The following ANKRD33 variants were observed in gnomAD, a reference collection of about 807,000 sequenced individuals.
The protein encoded by ANKRD33 is ankyrin repeat domain 33, also known as photoreceptor ankyrin repeat protein.
Under a neutral mutation model 20.6 loss-of-function variants are expected in ANKRD33, and 20 were observed. The ratio of observed to expected loss-of-function variants is 0.97; its 90% CI spans 0.68 to 1.41. ANKRD33 has a LOEUF of 1.41. ANKRD33 is among the 40% of genes most tolerant of loss of function. The pLI, the probability that ANKRD33 is intolerant of heterozygous loss-of-function variation, is 0.00. For synonymous variants in ANKRD33, 246 were observed against 245.0 expected (o/e 1.00, Z -0.04); for missense variants, 545 against 579.6 (o/e 0.94, Z 0.61).
Position 51,888,265 on chromosome 12 carries a change from A to G in ANKRD33, c.79A>G (p.Ile27Val), listed in dbSNP as rs1276783826. The G allele has an allele frequency of 6.3e-7, 1 of 1,591,574 alleles. No homozygotes were observed. Among genetic ancestry groups the G allele is most frequent in the African/African-American group, 1.4e-5 (1 of 73,914 alleles). ...VHLEAFGDPV[I>V]VLRGAWAVPR... is the part of the protein sequence containing the mutation. ...CCTGGAGGCATTCGGAGACCCAGTG[A>G]TTGTGCTCCGCGGAGCCTGGGCTGT... Residue 27 changes from isoleucine (I) to valine (V), a missense_variant, in exon 1 of 5, where the codon ATT becomes GTT. By Grantham distance (29) the Ile-to-Val change is conservative. Coordinates refer to ENST00000301190, the MANE Select transcript of ANKRD33 (RefSeq NM_182608.4).
chr12:51,888,481 G>C (rs895874136), intron 1 of ANKRD33, 87 bp from the exon 2 acceptor site: 1 of 1,564,606 alleles, frequency 6.4e-7, no homozygotes. Context: ...TTTTCCCTGG[G>C]GCAAGGGCTG....
chr12:51,888,397 C>G, intron 1 of ANKRD33, 66 bp downstream of exon 1: 10 of 1,603,094 alleles, frequency 6.2e-6, no homozygotes, highest in Non-Finnish European at 8.5e-6. Flanking sequence ...GTGAACCCTG[C>G]TTGCTTAGGG....
chr12:51,889,640 C>G, intron 4 of ANKRD33, 158 bp downstream of exon 4: 1 of 1,348,198 alleles, frequency 7.4e-7, no homozygotes, highest in Non-Finnish European at 9.8e-7. Flanking sequence ...ATCTAGTTCA[C>G]CTTCCTGGAG....
At chr12:51,888,889 TC>T in intron 2 of ANKRD33, 71 bp downstream of exon 2, 1 of 1,600,362 alleles carries the variant, frequency 6.2e-7, no homozygotes, top group Non-Finnish European at 8.5e-7. Context: ...CTGGCCTGGC[TC>T]CCTGAGAGGG....
In ANKRD33 at chr12:51,888,221, C is replaced by A; in HGVS notation, c.35C>A (p.Ser12Tyr). 6.2e-7 allele frequency: 1 copy of A among 1,614,228 alleles called. No homozygotes were observed. ...CAGCCATCTGTTACCTGCGTTGCTT[C>A]CTGGGGAGGGATAGTCCACCTGGAG... is the stretch of plus-strand genomic sequence containing the variant. ...KVQPSVTCVA[S>Y]WGGIVHLEAF... The change falls in exon 1 of 5, where the codon TCC becomes TAC. Residue 12 changes from serine to tyrosine, a missense_variant. Transcript: ENST00000301190.
At chr12:51,889,299 C>T in intron 3 of ANKRD33, 73 bp from the exon 4 acceptor site, 1 of 1,607,016 alleles carries the variant, frequency 6.2e-7, no homozygotes. Flanking sequence ...CTCTGTCATG[C>T]TGGGTGGAGG....
chr12:51,891,485 C>G lies in ANKRD33; in HGVS notation c.*180C>G. The G allele has an allele frequency of 3.7e-6, 4 of 1,081,512 alleles. No individual in the cohort carries two copies. The highest frequency in any genetic ancestry group is 1.3e-6 in the Non-Finnish European group (1 of 778,186). The allele number at this position is 1,081,512 out of a possible 1,614,324, so 67.0% of individuals were successfully genotyped here. A position where few individuals can be genotyped will look rare whatever the true frequency, so the allele number is the denominator to read the frequency against. On this transcript the variant is annotated 3_prime_UTR_variant, in exon 5 of 5. Transcript: ENST00000301190. ...TTGCAAGAGTGAAAGAGTGGAAACA[C>G]CCGAAGTGTCCATCAGTAAGGGACA...
Position 51,888,711 on chromosome 12 carries a change from G to A in ANKRD33, c.289G>A (p.Gly97Arg). Residue 97 changes from glycine (G) to arginine (R), a missense_variant, in exon 2 of 5, where the codon GGG becomes AGG. Transcript: ENST00000301190. ...GACCCCCACCCCAGGCTGCAGGCTG[G>A]GGGCCCTGTATTGGGCCTGTGTCCA... ...KETPTPGCRL[G>R]ALYWACVHND... is the part of the protein sequence containing the mutation. 1 of 1,613,948 alleles carries A rather than the reference G, an allele frequency of 6.2e-7. No individual in the cohort carries two copies. The highest frequency in any genetic ancestry group is 8.5e-7 in the Non-Finnish European group (1 of 1,179,942).
chr12:51,891,473 A>G lies in ANKRD33; in HGVS notation c.*168A>G, dbSNP rs945579514. ...TTCTAGCATTGTTTGCAAGAGTGAA[A>G]GAGTGGAAACACCCGAAGTGTCCAT... On this transcript the variant is annotated 3_prime_UTR_variant, in exon 5 of 5. Coordinates refer to ENST00000301190, the MANE Select transcript of ANKRD33 (RefSeq NM_182608.4). The G allele has an allele frequency of 5.7e-6, 7 of 1,224,788 alleles. No homozygotes were observed. The highest frequency in any genetic ancestry group is 5.5e-6 in the Non-Finnish European group (5 of 908,492). 75.9% of individuals were successfully genotyped at this position (1,224,788 alleles called of 1,614,324 possible).
intron 4 of ANKRD33, chr12:51,890,340 A>G: frequency 1.0e-6 from 1 of 970,180 alleles, no homozygotes; most frequent in Non-Finnish European, 1.6e-6. Context: ...GGAGATCCCT[A>G]TTCTGCCCTA....
intron 4 of ANKRD33, 94 bp from the exon 5 acceptor site, chr12:51,890,490 G>A (rs7303111): frequency 0.2 from 312,919 of 1,537,196 alleles, 34,426 homozygotes; most frequent in Non-Finnish European, 0.22. Flanking sequence ...GGCTTCGAAT[G>A]TAACCCACAT....
rs1351801822 is a variant in ANKRD33, at chr12:51,891,267, A to C, written c.1321A>C (p.Arg441=). 6.2e-7 allele frequency: 1 copy of C among 1,614,240 alleles called. No homozygotes were observed. The highest frequency in any genetic ancestry group is 1.1e-5 in the South Asian group (1 of 91,082). The stretch of plus-strand genomic sequence containing the variant: ...ATACCAGGAGCTCAGGATAGAGAAG[A>C]GGAAACAGGAGGAGGAGGCCAGAAT... The part of the protein sequence containing the change: ...WRYQELRIEK[R]KQEEEARMAQ... Residue 441 remains arginine, a synonymous_variant, in exon 5 of 5, where the codon AGG becomes CGG. Transcript: ENST00000301190.
At position 51,890,769 on chromosome 12, in the gene ANKRD33, G is replaced by T; in HGVS notation, c.823G>T (p.Ala275Ser). 4 of 1,604,868 alleles carry T rather than the reference G, an allele frequency of 2.5e-6. No homozygotes were observed. Among genetic ancestry groups the T allele is most frequent in the Non-Finnish European group, 3.4e-6 (4 of 1,179,388 alleles). ...GTCCGGGCTCGTGGCCCAGGCCCAGGCCCAGGCCCAGGTTGCCCCTTCACT... is the reference window on the plus strand; with the variant it reads ...GTCCGGGCTCGTGGCCCAGGCCCAGTCCCAGGCCCAGGTTGCCCCTTCACT... ...ALSGLVAQAQAQAQVAPSLLE... is the reference protein window; with the variant it reads ...ALSGLVAQAQSQAQVAPSLLE... Residue 275 changes from alanine to serine, a missense_variant, in exon 5 of 5, where the codon GCC becomes TCC. Ala to Ser is a moderately conservative substitution (Grantham distance 99). Transcript: ENST00000301190.
chr12:51,891,145 C>T lies in ANKRD33; in HGVS notation c.1199C>T (p.Pro400Leu). The change falls in exon 5 of 5, where the codon CCC becomes CTC. Residue 400 changes from proline (P) to leucine (L), a missense_variant. By Grantham distance (98) the Pro-to-Leu change is moderately conservative. Coordinates refer to ENST00000301190, the MANE Select transcript of ANKRD33 (RefSeq NM_182608.4). ...AGCACCAGCCCCAGGCCCCAAGTCC[C>T]CAAGATCCTCCTCTCCAAGGCATCC... ...RDSTSPRPQV[P>L]KILLSKASSS... The T allele has an allele frequency of 6.2e-7, 1 of 1,614,240 alleles. No individual in the cohort carries two copies. Among genetic ancestry groups the T allele is most frequent in the Non-Finnish European group, 8.5e-7 (1 of 1,180,046 alleles).
chr12:51,889,249 G>A (rs1359841190), intron 3 of ANKRD33, 53 bp downstream of exon 3: 2 of 1,613,176 alleles, frequency 1.2e-6, no homozygotes, highest in East Asian at 2.2e-5. Context: ...TGCAGACAGG[G>A]CCTCAGCCCC....
At chr12:51,889,272 C>A (rs1420240858) in intron 3 of ANKRD33, 76 bp downstream of exon 3, 7 of 1,610,348 alleles carry the variant, frequency 4.3e-6, no homozygotes, top group Non-Finnish European at 5.9e-6. Context: ...CCTTGTTGCA[C>A]GGTGTTCTAC....
intron 4 of ANKRD33, chr12:51,890,238 CA>C: frequency 2.3e-6 from 1 of 443,074 alleles, no homozygotes; most frequent in South Asian, 2.1e-5. Context: ...ACCAGCCGAT[CA>C]TCCCCACCCA....
At position 51,890,712 on chromosome 12, in the gene ANKRD33, A is replaced by T. The variant is rs747585633; in HGVS notation, c.766A>T (p.Ser256Cys). The T allele has an allele frequency of 1.9e-6, 3 of 1,604,040 alleles. No individual in the cohort carries two copies. The highest frequency in any genetic ancestry group is 2.5e-6 in the Non-Finnish European group (3 of 1,179,970). The change falls in exon 5 of 5, where the codon AGC becomes TGC. Residue 256 changes from serine (S) to cysteine (C), a missense_variant. Transcript: ENST00000301190. ...LLRRPQVEQL[S>C]QHYKPEWPAL... ...GAGGCGGCCCCAAGTGGAGCAGCTTAGCCAGCACTACAAGCCCGAGTGGCC... is the reference window on the plus strand; with the variant it reads ...GAGGCGGCCCCAAGTGGAGCAGCTTTGCCAGCACTACAAGCCCGAGTGGCC...
At position 51,888,286 on chromosome 12, in the gene ANKRD33, G is replaced by C; in HGVS notation, c.100G>C (p.Ala34Pro). ...DPVIVLRGAW[A>P]VPRVDCLIDT... ...AGTGATTGTGCTCCGCGGAGCCTGG[G>C]CTGTGCCCCGCGTTGACTGCCTCAT... The change falls in exon 1 of 5, where the codon GCT becomes CCT. Residue 34 changes from alanine to proline, a missense_variant. Physicochemically the swap from Ala to Pro is conservative, Grantham distance 27 (BLOSUM62 -1). Coordinates refer to ENST00000301190, the MANE Select transcript of ANKRD33 (RefSeq NM_182608.4). 1 of 1,614,158 alleles carries C rather than the reference G, an allele frequency of 6.2e-7. No homozygotes were observed. The highest frequency in any genetic ancestry group is 8.5e-7 in the Non-Finnish European group (1 of 1,179,994).
Sources: gnomAD v4.1 joint callset for allele counts on GRCh38, gnomAD v4.1.1 for gene constraint, MANE v1.5 for transcripts, NCBI Gene and HGNC (gene_info 2026-07-23, HGNC 2026-07-21) for gene names.